CRYBG3: variants seen among roughly 807,000 people sequenced by gnomAD.
The protein encoded by CRYBG3 is very large A-kinase anchor protein.
A neutral mutation model predicts 244.2 loss-of-function variants in CRYBG3; 127 were observed. That is an observed-to-expected ratio of 0.52 (90% CI 0.45 to 0.60). CRYBG3 has a LOEUF of 0.60. Ranked by LOEUF, CRYBG3 falls within the 20% of genes least tolerant of loss-of-function variation. The pLI is 0.00. For missense variants in CRYBG3, 3,325 were observed against 3,442.5 expected (o/e 0.97, Z 0.85); for synonymous variants, 1,132 against 1,195.8 (o/e 0.95, Z 1.10).
intron 2 of CRYBG3, among the ~76,000 whole-genome samples, chr3:97,844,719 A>G (rs961613139): frequency 5.3e-5 from 8 of 152,346 alleles, no homozygotes; most frequent in Admixed American, 2.6e-4. Flanking sequence ...TTCCACCTGC[A>G]GAGGCTCTGA....
intron 7 of CRYBG3, among the ~76,000 whole-genome samples, chr3:97,886,275 G>A (rs1217290872): frequency 6.6e-6 from 1 of 151,930 alleles, no homozygotes; most frequent in Non-Finnish European, 1.5e-5. Context: ...TTATTATACT[G>A]CTAAGAAGGA....
At chr3:97,932,586 C>T (rs2040109308) in intron 17 of CRYBG3, among the ~76,000 whole-genome samples, 1 of 152,062 alleles carries the variant, frequency 6.6e-6, no homozygotes, top group Admixed American at 6.6e-5. Flanking sequence ...TAGTGCTTTG[C>T]TTCTTATCTA....
At chr3:97,870,668 G>C (rs1003702632) in intron 3 of CRYBG3, among the ~76,000 whole-genome samples, 2 of 152,074 alleles carry the variant, frequency 1.3e-5, no homozygotes, top group African/African-American at 4.8e-5. Flanking sequence ...AAAACATTTT[G>C]ATTATCACAT....
Position 97,871,959 on chromosome 3 carries a change from C to G in CRYBG3, c.765C>G (p.Asp255Glu), listed in dbSNP as rs766328737. The change falls in exon 4 of 22, where the codon GAC becomes GAG. Residue 255 changes from aspartate to glutamate, a missense_variant. Coordinates refer to ENST00000389622, the MANE Select transcript of CRYBG3 (RefSeq NM_153605.4). Reference protein sequence around the residue: ...QTGLATVNTLDRENESSDSST... With the variant: ...QTGLATVNTLERENESSDSST... ...GCTTGGCAACTGTGAATACCTTGGACAGAGAAAATGAAAGTTCTGACTCTA... is the reference window on the plus strand; with the variant it reads ...GCTTGGCAACTGTGAATACCTTGGAGAGAGAAAATGAAAGTTCTGACTCTA... 7.2e-6 allele frequency: 11 copies of G among 1,535,680 alleles called. No individual in the cohort carries two copies. The African/African-American group carries it at 8.2e-5, about 11-fold the overall frequency.
At chr3:97,842,942 G>A (rs1029263753) in intron 1 of CRYBG3, among the ~76,000 whole-genome samples, 60 of 152,222 alleles carry the variant, frequency 3.9e-4, no homozygotes, top group Non-Finnish European at 7.6e-4. Flanking sequence ...TATCATTACT[G>A]TGATGTTGAT....
intron 9 of CRYBG3, 143 bp from the exon 10 acceptor site, chr3:97,889,212 A>C (rs2039543943): frequency 3.0e-6 from 2 of 674,474 alleles, no homozygotes; most frequent in Non-Finnish European, 5.0e-6. Flanking sequence ...TAAAGTTTAA[A>C]ATTTAGCACA....
intron 2 of CRYBG3, among the ~76,000 whole-genome samples, chr3:97,847,563 A>G (rs2038921719): frequency 6.6e-6 from 1 of 152,244 alleles, no homozygotes; most frequent in African/African-American, 2.4e-5. Flanking sequence ...AAGAAATCCT[A>G]TTAAAACATA....
At chr3:97,867,284 A>C (rs945146288) in intron 3 of CRYBG3, 13 of 152,224 alleles carry the variant, frequency 8.5e-5, no homozygotes, top group Non-Finnish European at 1.6e-4. Context: ...TTAGTTTCAC[A>C]AAATGTATCT....
rs537651517 is a variant in CRYBG3 at position 97,872,170 on chromosome 3, A to G, written c.976A>G (p.Ile326Val). ...GACAAATAACCCAGAACTGCAGAAT[A>G]TTGCCTCTTCCAATAATCTTTTAAA... ...SLTNNPELQN[I>V]ASSNNLLNKN... Residue 326 changes from isoleucine (I) to valine (V), a missense_variant, in exon 4 of 22, where the codon ATT becomes GTT. Ile to Val is a conservative substitution (Grantham distance 29, BLOSUM62 3). Transcript: ENST00000389622. 7.8e-6 allele frequency: 12 copies of G among 1,535,900 alleles called. No individual in the cohort carries two copies. The Admixed American group carries it at 7.8e-5, about 10-fold the overall frequency.
At chr3:97,864,174 A>ATT (rs1465896498) in intron 2 of CRYBG3, 43 bp from the exon 3 acceptor site, 1 of 1,384,324 alleles carries the variant, frequency 7.2e-7, no homozygotes, top group Non-Finnish European at 9.5e-7. Flanking sequence ...CTGTTTCATT[A>ATT]TTTAAATAAT....
Position 97,877,189 on chromosome 3 carries a change from T to G in CRYBG3, c.5995T>G (p.Phe1999Val), listed in dbSNP as rs779285133. The change falls in exon 4 of 22, where the codon TTT becomes GTT. Residue 1999 changes from phenylalanine (F) to valine (V), a missense_variant. This residue lies in a region of CRYBG3 where 450 missense variants were observed against 424.1 expected (regional missense o/e 1.06). Transcript: ENST00000389622. Reference sequence around the variant, plus strand: ...TCAAGATGAACAAGAAAATTCTTCCTTTACTATATTATACGAAGAGCCCCT... The same window carrying G: ...TCAAGATGAACAAGAAAATTCTTCCGTTACTATATTATACGAAGAGCCCCT... ...VSQDEQENSS[F>V]TILYEEPLQE... The G allele has an allele frequency of 6.8e-6, 11 of 1,613,856 alleles. No individual in the cohort carries two copies. The African/African-American group carries it at 1.5e-4, about 22-fold the overall frequency.
At chr3:97,907,281 C>T (rs2039788100) in intron 15 of CRYBG3, among the ~76,000 whole-genome samples, 1 of 152,122 alleles carries the variant, frequency 6.6e-6, no homozygotes, top group African/African-American at 2.4e-5. Flanking sequence ...AGGGAGGATT[C>T]CCTCTTTTTC....
chr3:97,833,728 A>C (rs2038689528), intron 1 of CRYBG3, among the ~76,000 whole-genome samples: 1 of 152,166 alleles, frequency 6.6e-6, no homozygotes, highest in African/African-American at 2.4e-5. Flanking sequence ...TAATAAAAAA[A>C]ATTGCTAAAA....
At chr3:97,838,130 G>A (rs1369451971) in intron 1 of CRYBG3, among the ~76,000 whole-genome samples, 2 of 152,116 alleles carry the variant, frequency 1.3e-5, no homozygotes, top group Non-Finnish European at 2.9e-5. Flanking sequence ...ACTGAAAAAA[G>A]GGGATTTTTT....
intron 2 of CRYBG3, among the ~76,000 whole-genome samples, chr3:97,862,279 T>C (rs2039161982): frequency 1.3e-5 from 2 of 152,200 alleles, no homozygotes; most frequent in South Asian, 2.1e-4. Flanking sequence ...TTAATGATGT[T>C]AAAAGTGGTA....
At chr3:97,918,093 A>C (rs1336543651) in intron 17 of CRYBG3, among the ~76,000 whole-genome samples, 2 of 152,188 alleles carry the variant, frequency 1.3e-5, no homozygotes, top group Non-Finnish European at 2.9e-5. Flanking sequence ...AGTTGACATT[A>C]TGTAAGTATG....
rs748731874 is a variant in CRYBG3, at chr3:97,877,195, A to G, written c.6001A>G (p.Ile2001Val). The change falls in exon 4 of 22, where the codon ATA (isoleucine) becomes GTA (valine). Residue 2001 changes from isoleucine to valine, a missense_variant. By Grantham distance (29) the Ile-to-Val change is conservative (BLOSUM62 3). Coordinates refer to ENST00000389622, the MANE Select transcript of CRYBG3 (RefSeq NM_153605.4). ...TGAACAAGAAAATTCTTCCTTTACTATATTATACGAAGAGCCCCTTCAAGA... is the reference window on the plus strand; with the variant it reads ...TGAACAAGAAAATTCTTCCTTTACTGTATTATACGAAGAGCCCCTTCAAGA... ...QDEQENSSFTILYEEPLQEED... is the reference protein window; with the variant it reads ...QDEQENSSFTVLYEEPLQEED... The G allele has an allele frequency of 1.1e-5, 18 of 1,613,836 alleles. No homozygotes were observed. The highest frequency in any genetic ancestry group is 4.4e-5 in the South Asian group (4 of 91,070).
At chr3:97,835,361 G>A (rs2038718110) in intron 1 of CRYBG3, among the ~76,000 whole-genome samples, 2 of 152,076 alleles carry the variant, frequency 1.3e-5, no homozygotes, top group Admixed American at 1.3e-4. Context: ...GATATGAAAG[G>A]TGTCTCTATT....
chr3:97,938,690 T>C (rs962088907), intron 19 of CRYBG3, among the ~76,000 whole-genome samples: 7 of 152,110 alleles, frequency 4.6e-5, no homozygotes, highest in Admixed American at 1.3e-4. Context: ...AGTGATCACA[T>C]TGCTTACATC....
Sources: gnomAD v4.1 joint callset for allele counts (sites outside exome capture counted in the v4.1 genomes callset) on GRCh38, gnomAD v4.1.1 for gene constraint, gnomAD v4.1.1 regional missense constraint, MANE v1.5 for transcripts, NCBI Gene and HGNC (gene_info 2026-07-23, HGNC 2026-07-21) for gene names.